Variants in KMT5B observed in about 807,000 individuals in gnomAD.
The protein encoded by KMT5B is lysine methyltransferase 5B, also known as histone-lysine N-methyltransferase KMT5B.
Under a neutral mutation model 83.2 loss-of-function variants are expected in KMT5B, and 10 were observed. The ratio of observed to expected loss-of-function variants is 0.12; its 90% confidence interval spans 0.07 to 0.20. The LOEUF (loss-of-function observed/expected upper bound fraction) is 0.20, where lower values mean the gene tolerates loss of function less well. Ranked by LOEUF, KMT5B falls within the 10% of genes least tolerant of loss-of-function variation. KMT5B has a pLI of 1.00. For missense variants in KMT5B, 753 were observed against 1,067.2 expected (o/e 0.71, Z 4.10); for synonymous variants, 349 against 388.8 (o/e 0.90, Z 1.20).
chr11:68,168,781 C>T (rs578131505), intron 9 of KMT5B, among the ~76,000 whole-genome samples: 9 of 152,310 alleles, frequency 5.9e-5, no homozygotes, highest in Middle Eastern at 3.4e-3. Context: ...CACGTGATTC[C>T]GTCCATTCTC....
chr11:68,197,490 TATA>T (rs552542041), intron 1 of KMT5B, among the ~76,000 whole-genome samples: 80 of 152,334 alleles, frequency 5.3e-4, no homozygotes, highest in Non-Finnish European at 8.8e-4. Context: ...TTAAGGAAAT[TATA>T]ATATCAACCA....
chr11:68,194,394 T>C (rs1055242360), intron 1 of KMT5B, among the ~76,000 whole-genome samples: 1 of 152,092 alleles, frequency 6.6e-6, no homozygotes, highest in Admixed American at 6.6e-5. Flanking sequence ...AGTTTCACCA[T>C]GTTGGCCAGG....
At chr11:68,180,676 CT>C (rs1856830917) in intron 3 of KMT5B, among the ~76,000 whole-genome samples, 1 of 152,176 alleles carries the variant, frequency 6.6e-6, no homozygotes, top group Non-Finnish European at 1.5e-5. Context: ...ATGCTGTCTC[CT>C]GCTCAGCTCA....
intron 3 of KMT5B, among the ~76,000 whole-genome samples, chr11:68,182,710 A>G (rs1857055786): frequency 6.6e-6 from 1 of 151,382 alleles, no homozygotes; most frequent in Admixed American, 6.6e-5. Context: ...AAGTTCTGTC[A>G]TAAGCCACTA....
intron 2 of KMT5B, among the ~76,000 whole-genome samples, chr11:68,186,663 T>C (rs571215536): frequency 2.1e-4 from 32 of 152,324 alleles, no homozygotes; most frequent in African/African-American, 7.7e-4. Flanking sequence ...AAGGCCAAGT[T>C]TGTAAGAAGT....
At chr11:68,208,509 G>A (rs1860463653) in intron 1 of KMT5B, among the ~76,000 whole-genome samples, 1 of 151,954 alleles carries the variant, frequency 6.6e-6, no homozygotes, top group Admixed American at 6.6e-5. Flanking sequence ...AAACTCTAGA[G>A]CAAAATAGAC....
intron 2 of KMT5B, among the ~76,000 whole-genome samples, chr11:68,188,190 G>C (rs536185510): frequency 7.9e-5 from 12 of 151,464 alleles, no homozygotes; most frequent in Admixed American, 6.6e-4. Context: ...ACGCCCAGCT[G>C]ATTTTTTGTA....
chr11:68,156,893 G>C lies in KMT5B; in HGVS notation c.*795C>G, dbSNP rs563898808. The C allele has an allele frequency of 6.6e-6, 1 of 152,454 alleles. No homozygotes were observed. The highest frequency in any genetic ancestry group is 2.4e-5 in the African/African-American group (1 of 41,388). 9.4% of individuals were successfully genotyped at this position (152,454 alleles called of 1,614,324 possible). A position where few individuals can be genotyped will look rare whatever the true frequency, so the allele number is the denominator to read the frequency against. ...GATAAATGTTGCTTGTTGTCATCACGTTGTTCACAGCAAATTTTTGAAAAA... is the reference window on the plus strand; with the variant it reads ...GATAAATGTTGCTTGTTGTCATCACCTTGTTCACAGCAAATTTTTGAAAAA... On this transcript the variant is annotated 3_prime_UTR_variant, in exon 11 of 11. Transcript: ENST00000304363.
In KMT5B at chr11:68,158,174, A is replaced by G. The variant is rs1208799944; in HGVS notation, c.2172T>C (p.His724=). The G allele has an allele frequency of 6.2e-7, 1 of 1,614,052 alleles. No homozygotes were observed. The highest frequency in any genetic ancestry group is 8.5e-7 in the Non-Finnish European group (1 of 1,180,048). ...GIPKLTLRRR[H]DSSSKTNDQE... ...GGTCATTTGTTTTGCTGCTGCTATC[A>G]TGACGCCTACGAAGAGTCAATTTGG... Residue 724 remains histidine, a synonymous_variant, in exon 11 of 11, where the codon CAT becomes CAC. Transcript: ENST00000304363.
At chr11:68,182,186 C>T (rs978910827) in intron 3 of KMT5B, among the ~76,000 whole-genome samples, 1 of 152,166 alleles carries the variant, frequency 6.6e-6, no homozygotes, top group African/African-American at 2.4e-5. Flanking sequence ...CTGAAGTTTA[C>T]ATTTATGACT....
chr11:68,199,302 G>A (rs898347334), intron 1 of KMT5B, among the ~76,000 whole-genome samples: 2 of 152,160 alleles, frequency 1.3e-5, no homozygotes, highest in Non-Finnish European at 2.9e-5. Context: ...CCTTTTGGGG[G>A]GAATAAGCCA....
chr11:68,183,935 C>T (rs1857192179), intron 3 of KMT5B, among the ~76,000 whole-genome samples: 1 of 151,834 alleles, frequency 6.6e-6, no homozygotes, highest in Non-Finnish European at 1.5e-5. Flanking sequence ...GCTGAGATTA[C>T]AGGCATGAGC....
At chr11:68,205,144 C>T (rs1174079323) in intron 1 of KMT5B, among the ~76,000 whole-genome samples, 2 of 140,230 alleles carry the variant, frequency 1.4e-5, no homozygotes, top group Non-Finnish European at 3.1e-5. Flanking sequence ...CTCATCTCTA[C>T]CAAAAAAAAA....
chr11:68,202,668 C>T (rs1486282834), intron 1 of KMT5B, among the ~76,000 whole-genome samples: 1 of 151,242 alleles, frequency 6.6e-6, no homozygotes, highest in Non-Finnish European at 1.5e-5. Context: ...CCTGCCTCAG[C>T]CTCCTGAGTA....
rs1367078641 is a variant in KMT5B at position 68,154,956 on chromosome 11, A to C, written c.*2732T>G. The C allele has an allele frequency of 1.3e-5, 2 of 152,226 alleles. No individual in the cohort carries two copies. The highest frequency in any genetic ancestry group is 2.9e-5 in the Non-Finnish European group (2 of 68,048). The allele number at this position is 152,226 out of a possible 1,614,324, so 9.4% of individuals were successfully genotyped here. On this transcript the variant is annotated 3_prime_UTR_variant, in exon 11 of 11. Transcript: ENST00000304363. The stretch of plus-strand genomic sequence containing the variant: ...TAAAAAATGTTTTTAATGAAACGTT[A>C]AAGAACTTACCTCAAATGCTGAAAA...
chr11:68,206,752 T>C (rs1860167303), intron 1 of KMT5B, among the ~76,000 whole-genome samples: 1 of 152,044 alleles, frequency 6.6e-6, no homozygotes, highest in African/African-American at 2.4e-5. Context: ...CACAAAACTT[T>C]AATCAAGTAG....
At chr11:68,175,267 T>G in intron 4 of KMT5B, 84 bp from the exon 5 acceptor site, 2 of 1,079,010 alleles carry the variant, frequency 1.9e-6, no homozygotes, top group Non-Finnish European at 2.7e-6. Context: ...GAGAAAGAGC[T>G]AATACCCTAA....
chr11:68,169,129 TACAC>T (rs1206195434), intron 9 of KMT5B, among the ~76,000 whole-genome samples: 4 of 152,248 alleles, frequency 2.6e-5, no homozygotes, highest in African/African-American at 9.6e-5. Flanking sequence ...AAAAAGGACT[TACAC>T]ACGTTTCTAT....
At position 68,173,928 on chromosome 11, in the gene KMT5B, A is replaced by C. The variant is rs761029084; in HGVS notation, c.544-15T>G. 1 of 1,525,840 alleles carries C rather than the reference A, an allele frequency of 6.6e-7. No homozygotes were observed. The highest frequency in any genetic ancestry group is 2.2e-5 in the East Asian group (1 of 44,478). 94.5% of individuals were successfully genotyped at this position (1,525,840 alleles called of 1,614,324 possible). On this transcript the variant is annotated splice_polypyrimidine_tract_variant and intron_variant, in intron 5 of 10. Coordinates refer to ENST00000304363, the MANE Select transcript of KMT5B (RefSeq NM_017635.5). ...TAAATAAATACCTAAAACAGGAAAA[A>C]AAAATTGATAATGACTTTAAATGGT... is the stretch of plus-strand genomic sequence containing the variant.
Sources: allele counts gnomAD v4.1 joint callset (sites outside exome capture counted in the v4.1 genomes callset), GRCh38; gene constraint gnomAD v4.1.1; transcripts MANE v1.5; gene names NCBI Gene and HGNC (gene_info 2026-07-23, HGNC 2026-07-21).